The following CHD9 variants were observed in gnomAD, a reference collection of about 807,000 sequenced individuals.
CHD9 encodes the protein ATP-dependent chromatin remodeler CHD9.
Under a neutral mutation model 316.1 loss-of-function variants are expected in CHD9, and 77 were observed. The observed-to-expected ratio is 0.24, with a 90% confidence interval of 0.20 to 0.29. The LOEUF (loss-of-function observed/expected upper bound fraction) is 0.29, where lower values mean the gene tolerates loss of function less well. Among genes scored for constraint, CHD9 ranks in the 10% least tolerant of loss-of-function variants. CHD9 has a pLI of 1.00. For missense variants in CHD9, 2,763 were observed against 3,438.1 expected (o/e 0.80, Z 4.91); for synonymous variants, 1,129 against 1,158.3 (o/e 0.97, Z 0.51).
chr16:53,135,130 G>T (rs1468126796), intron 1 of CHD9, among the ~76,000 whole-genome samples: 2 of 152,132 alleles, frequency 1.3e-5, no homozygotes, highest in African/African-American at 4.8e-5. Flanking sequence ...AAATATGTTT[G>T]AAGGCTATGA....
At chr16:53,215,697 A>G (rs887963342) in intron 3 of CHD9, among the ~76,000 whole-genome samples, 3 of 152,174 alleles carry the variant, frequency 2.0e-5, no homozygotes, top group Non-Finnish European at 4.4e-5. Flanking sequence ...ATTGGGTAAG[A>G]TTCATTGTTT....
chr16:53,090,108 T>TA (rs1249027662), intron 1 of CHD9, among the ~76,000 whole-genome samples: 1 of 152,210 alleles, frequency 6.6e-6, no homozygotes, highest in Non-Finnish European at 1.5e-5. Context: ...AGCATCCTCT[T>TA]AAGTGTTGCT....
intron 1 of CHD9, among the ~76,000 whole-genome samples, chr16:53,134,253 T>C (rs2039554416): frequency 6.6e-6 from 1 of 152,174 alleles, no homozygotes; most frequent in African/African-American, 2.4e-5. Context: ...AAGCCAAAGA[T>C]TGGAGTCAGA....
intron 17 of CHD9, chr16:53,250,669 A>C (rs896536726): frequency 4.6e-5 from 7 of 152,222 alleles, no homozygotes; most frequent in African/African-American, 1.7e-4. Flanking sequence ...AAGTAAGACT[A>C]TACTTGGACT....
At chr16:53,166,061 T>G (rs1242381334) in intron 2 of CHD9, among the ~76,000 whole-genome samples, 1 of 152,196 alleles carries the variant, frequency 6.6e-6, no homozygotes, top group Non-Finnish European at 1.5e-5. Flanking sequence ...GTCTAGGAAT[T>G]TCTTTCAGTT....
chr16:53,130,549 T>G (rs7203738), intron 1 of CHD9, among the ~76,000 whole-genome samples: 46,210 of 148,878 alleles, frequency 0.31, 7,318 homozygotes, highest in Middle Eastern at 0.39. Context: ...GCGGCGGGGC[T>G]GCCGGGGGAG....
chr16:53,273,092 AAAC>A (rs201231480), intron 22 of CHD9, among the ~76,000 whole-genome samples: 23 of 140,986 alleles, frequency 1.6e-4, no homozygotes, highest in Non-Finnish European at 2.8e-4. Flanking sequence ...GTCTCAAAAA[AAAC>A]AAAACAAAAC....
chr16:53,149,460 G>A (rs1003629773), intron 1 of CHD9, among the ~76,000 whole-genome samples: 4 of 151,912 alleles, frequency 2.6e-5, no homozygotes, highest in East Asian at 1.9e-4. Context: ...GGTCTGTTAG[G>A]TGCATACATG....
intron 3 of CHD9, among the ~76,000 whole-genome samples, chr16:53,210,363 C>A (rs2152873326): frequency 6.6e-6 from 1 of 150,906 alleles, no homozygotes; most frequent in East Asian, 1.9e-4. Flanking sequence ...GATTTACTTC[C>A]ATATAGTCTG....
At chr16:53,158,628 T>G (rs933210721) in intron 2 of CHD9, among the ~76,000 whole-genome samples, 1 of 152,030 alleles carries the variant, frequency 6.6e-6, no homozygotes, top group African/African-American at 2.4e-5. Context: ...TTAATACTTT[T>G]TTTTGTTTTT....
intron 1 of CHD9, among the ~76,000 whole-genome samples, chr16:53,108,888 G>T (rs528757561): frequency 6.7e-6 from 1 of 149,724 alleles, no homozygotes; most frequent in South Asian, 2.1e-4. Flanking sequence ...GAGCAAAACT[G>T]TTTCAAAAAT....
rs375409253 is a variant in CHD9, at chr16:53,287,176, T to C, written c.5190-781T>C. Among the ~76,000 whole-genome samples, 194 of 152,292 alleles carry C rather than the reference T, an allele frequency of 1.3e-3. 1 individual carries two copies. Among genetic ancestry groups the C allele is most frequent in the African/African-American group, 4.3e-3 (179 of 41,574 alleles). On this transcript the variant is annotated intron_variant, in intron 26 of 38. Coordinates refer to ENST00000447540, the MANE Select transcript of CHD9 (RefSeq NM_001308319.2). The stretch of plus-strand genomic sequence containing the variant: ...AGATGAGGTCTCCCTGTGTTGCACA[T>C]GCTGGTCTTGAACTCCTGGGCCCAA...
chr16:53,136,656 G>A (rs1353570760), intron 1 of CHD9, among the ~76,000 whole-genome samples: 3 of 151,972 alleles, frequency 2.0e-5, no homozygotes, highest in Non-Finnish European at 2.9e-5. Flanking sequence ...GTTGCCCGGG[G>A]TTTCTAATAT....
chr16:53,256,623 A>G (rs2050626662), intron 19 of CHD9, among the ~76,000 whole-genome samples: 7 of 148,224 alleles, frequency 4.7e-5, no homozygotes, highest in Admixed American at 4.7e-4. Flanking sequence ...ATGCCTGGCC[A>G]TATTCCATTT....
chr16:53,080,415 T>C lies in CHD9; in HGVS notation c.-165+25338T>C, dbSNP rs578093085. On this transcript the variant is annotated intron_variant, in intron 1 of 38. Coordinates refer to ENST00000447540, the MANE Select transcript of CHD9 (RefSeq NM_001308319.2). The stretch of plus-strand genomic sequence containing the variant: ...TCAAGAAATATGTGTGCTGGGAAAA[T>C]AAGGAGTGTCACTCTACACCTCCAA... Among the ~76,000 whole-genome samples, 352 of 152,194 alleles carry C rather than the reference T, an allele frequency of 2.3e-3. 3 individuals carry two copies. Among genetic ancestry groups the C allele is most frequent in the African/African-American group, 8.2e-3 (339 of 41,528 alleles).
chr16:53,239,671 T>C (rs1311381350), intron 12 of CHD9, among the ~76,000 whole-genome samples: 2 of 152,036 alleles, frequency 1.3e-5, no homozygotes, highest in Admixed American at 6.6e-5. Flanking sequence ...ATGATAGAGG[T>C]TGAAGTAAGA....
At chr16:53,083,641 C>T (rs990026994) in intron 1 of CHD9, among the ~76,000 whole-genome samples, 6 of 152,154 alleles carry the variant, frequency 3.9e-5, no homozygotes, top group African/African-American at 1.4e-4. Context: ...AAATAGCCCC[C>T]AACTCCGTGC....
At chr16:53,102,175 G>A (rs2036938035) in intron 1 of CHD9, among the ~76,000 whole-genome samples, 1 of 152,096 alleles carries the variant, frequency 6.6e-6, no homozygotes, top group African/African-American at 2.4e-5. Flanking sequence ...GTCTTCACTA[G>A]GACTCACTCA....
At chr16:53,062,789 G>A (rs946052166) in intron 1 of CHD9, among the ~76,000 whole-genome samples, 22 of 152,206 alleles carry the variant, frequency 1.4e-4, no homozygotes, top group African/African-American at 5.1e-4. Context: ...CCAGCACTTT[G>A]GGAGGCCAAG....
Sources: allele counts gnomAD v4.1 joint callset (sites outside exome capture counted in the v4.1 genomes callset), GRCh38; gene constraint gnomAD v4.1.1; transcripts MANE v1.5; gene names NCBI Gene and HGNC (gene_info 2026-07-23, HGNC 2026-07-21).